Variants in MYO9B observed in about 807,000 individuals in gnomAD.
MYO9B encodes the protein unconventional myosin-IXb.
In MYO9B, 71 loss-of-function variants were observed where a neutral mutation model predicts 229.5. That is an observed-to-expected ratio of 0.31 (90% CI 0.26 to 0.38). The LOEUF (loss-of-function observed/expected upper bound fraction) is 0.38, where lower values mean the gene tolerates loss of function less well. MYO9B is among the 10% of genes least tolerant of loss of function. The probability of loss-of-function intolerance (pLI) is 1.00; values close to 1 mark genes in which losing one functional copy is unlikely to be tolerated. For missense variants in MYO9B, 2,255 were observed against 2,920.5 expected (o/e 0.77, Z 5.25); for synonymous variants, 1,185 against 1,235.8 (o/e 0.96, Z 0.86).
chr19:17,192,697 T>C (rs1165864053), intron 20 of MYO9B, 49 bp from the exon 21 acceptor site: 1 of 1,453,148 alleles, frequency 6.9e-7, no homozygotes, highest in East Asian at 2.5e-5. Flanking sequence ...GGCACAGAGA[T>C]GGTGTCAGGG....
At chr19:17,083,240 T>C (rs1049593853) in intron 1 of MYO9B, among the ~76,000 whole-genome samples, 2 of 152,000 alleles carry the variant, frequency 1.3e-5, no homozygotes, top group Admixed American at 6.6e-5. Context: ...TTCACCATGT[T>C]GCCTGGTCTT....
At chr19:17,103,951 G>A (rs2145041242) in intron 2 of MYO9B, among the ~76,000 whole-genome samples, 1 of 151,930 alleles carries the variant, frequency 6.6e-6, no homozygotes, top group East Asian at 1.9e-4. Flanking sequence ...AGCTACTCGG[G>A]AGGCTGAGGC....
chr19:17,112,779 C>T (rs2057860792), intron 2 of MYO9B, among the ~76,000 whole-genome samples: 1 of 152,218 alleles, frequency 6.6e-6, no homozygotes, highest in Non-Finnish European at 1.5e-5. Context: ...GTCGCATGAC[C>T]CAGTCAGAGA....
intron 1 of MYO9B, among the ~76,000 whole-genome samples, chr19:17,094,958 G>T (rs2057673821): frequency 6.6e-6 from 1 of 152,022 alleles, no homozygotes; most frequent in Non-Finnish European, 1.5e-5. Context: ...TAAAAATTTG[G>T]CCAGGCGCAG....
At chr19:17,167,863 G>A (rs1390669808) in intron 10 of MYO9B, 80 bp from the exon 11 acceptor site, 14 of 1,498,584 alleles carry the variant, frequency 9.3e-6, no homozygotes, top group South Asian at 3.7e-5. Flanking sequence ...AGGGATACTC[G>A]ACCTGTATGC....
chr19:17,136,799 T>G (rs1293445918), intron 2 of MYO9B, among the ~76,000 whole-genome samples: 1 of 151,990 alleles, frequency 6.6e-6, no homozygotes, highest in African/African-American at 2.4e-5. Context: ...GTTTCAAAGT[T>G]CAACAGGTCA....
At chr19:17,211,574 G>T in intron 38 of MYO9B, 73 bp from the exon 39 acceptor site, 1 of 1,376,500 alleles carries the variant, frequency 7.3e-7, no homozygotes, top group South Asian at 1.4e-5. Flanking sequence ...GAGCAGGACA[G>T]CCTGCTCTGT....
intron 2 of MYO9B, among the ~76,000 whole-genome samples, chr19:17,133,842 G>A (rs928360361): frequency 6.6e-6 from 1 of 151,912 alleles, no homozygotes; most frequent in Non-Finnish European, 1.5e-5. Context: ...CTCACTGCAA[G>A]CTCCGCCTCC....
Position 17,102,364 on chromosome 19 carries a change from T to A in MYO9B, c.647T>A (p.Phe216Tyr). ...CTGGGCAAGCTGGAGCCACACGTCT[T>A]CGCGCTGGCCGACGTGGCCTACTAC... ...QQLGKLEPHV[F>Y]ALADVAYYTM... Residue 216 changes from phenylalanine (F) to tyrosine (Y), a missense_variant, in exon 2 of 40, where the codon TTC becomes TAC. Transcript: ENST00000682292. 1 of 1,613,976 alleles carries A rather than the reference T, an allele frequency of 6.2e-7. No homozygotes were observed. The highest frequency in any genetic ancestry group is 8.5e-7 in the Non-Finnish European group (1 of 1,179,886).
intron 3 of MYO9B, among the ~76,000 whole-genome samples, chr19:17,147,672 ATTTTTTTTTTTTTTTT>A (rs1027030377): frequency 1.2e-5 from 1 of 81,206 alleles, no homozygotes; most frequent in Non-Finnish European, 2.2e-5. Context: ...ACTATGTTTA[ATTTTTTTTTTTTTTTT>A]TTTTTTTTTT....
intron 2 of MYO9B, among the ~76,000 whole-genome samples, chr19:17,132,627 C>T (rs1282140703): frequency 3.4e-5 from 5 of 146,084 alleles, no homozygotes; most frequent in African/African-American, 1.3e-4. Flanking sequence ...CTCCCAGGTT[C>T]GTGCCATTCT....
chr19:17,126,995 A>AT (rs1055471133), intron 2 of MYO9B, among the ~76,000 whole-genome samples: 5 of 108,446 alleles, frequency 4.6e-5, no homozygotes, highest in Admixed American at 3.5e-4. Flanking sequence ...ATCTTTTGAC[A>AT]TTTTTTCTCC....
At chr19:17,145,816 C>T (rs1490836505) in intron 3 of MYO9B, among the ~76,000 whole-genome samples, 1 of 152,030 alleles carries the variant, frequency 6.6e-6, no homozygotes, top group Non-Finnish European at 1.5e-5. Context: ...GGGATGCGGA[C>T]TCTGGCCTTT....
chr19:17,165,525 T>C (rs752287125), intron 10 of MYO9B, among the ~76,000 whole-genome samples: 2 of 151,744 alleles, frequency 1.3e-5, no homozygotes, highest in Admixed American at 6.6e-5. Context: ...CAGTGACCTA[T>C]GATCACAACA....
Position 17,168,082 on chromosome 19 carries a change from G to A in MYO9B, c.1793+18G>A, listed in dbSNP as rs373571709. On this transcript the variant is annotated intron_variant, in intron 11 of 39. Transcript: ENST00000682292. ...GAGAGCAAGTGAGTGTCCACACCCC[G>A]TCCATCCCGGCACATCTACGCATGG... 1.6e-5 allele frequency: 25 copies of A among 1,610,448 alleles called. No homozygotes were observed. Among genetic ancestry groups the A allele is most frequent in the African/African-American group, 1.5e-4 (11 of 74,794 alleles).
At chr19:17,188,067 C>T in intron 19 of MYO9B, 22 bp downstream of exon 19, 1 of 1,542,958 alleles carries the variant, frequency 6.5e-7, no homozygotes. Context: ...GCACATATAC[C>T]TGGACACACC....
chr19:17,181,051 C>G lies in MYO9B; in HGVS notation c.2333+11C>G, dbSNP rs759991723. On this transcript the variant is annotated intron_variant, in intron 15 of 39. Coordinates refer to ENST00000682292, the MANE Select transcript of MYO9B (RefSeq NM_004145.4). ...CCGCGCCTTCATCCTGTGAGTCCCC[C>G]ACCAAGGCCCTGCTTACAAGTGCGA... 2.9e-5 allele frequency: 46 copies of G among 1,578,500 alleles called. No individual in the cohort carries two copies. The highest frequency in any genetic ancestry group is 3.6e-5 in the Non-Finnish European group (42 of 1,153,886).
rs1453238086 is a variant in MYO9B at position 17,212,340 on chromosome 19, G to A, written c.*30G>A. On this transcript the variant is annotated 3_prime_UTR_variant, in exon 40 of 40. Coordinates refer to ENST00000682292, the MANE Select transcript of MYO9B (RefSeq NM_004145.4). This position sits in a 1 kb window ranked among gnomAD's most constrained non-coding sequence, Gnocchi z 5.4. Reference sequence around the variant, plus strand: ...CACAGCTGACAAAGTCTGCATGTCCGAGGACGGCCCCTGCACTGGAGCTGG... The same window carrying A: ...CACAGCTGACAAAGTCTGCATGTCCAAGGACGGCCCCTGCACTGGAGCTGG... The A allele has an allele frequency of 6.9e-6, 10 of 1,447,154 alleles. No homozygotes were observed. The highest frequency in any genetic ancestry group is 4.4e-5 in the South Asian group (3 of 68,772). The allele number at this position is 1,447,154 out of a possible 1,614,324, so 89.6% of individuals were successfully genotyped here. A position where few individuals can be genotyped will look rare whatever the true frequency, so the allele number is the denominator to read the frequency against.
intron 1 of MYO9B, among the ~76,000 whole-genome samples, chr19:17,098,335 G>A (rs113642564): frequency 0.049 from 7,503 of 152,272 alleles, 351 homozygotes; most frequent in Non-Finnish European, 0.063. Context: ...GATTACAAGC[G>A]TGAGCGACCG....
Sources: allele counts gnomAD v4.1 joint callset (sites outside exome capture counted in the v4.1 genomes callset), GRCh38; gene constraint gnomAD v4.1.1; non-coding constraint Gnocchi (gnomAD v3.1); transcripts MANE v1.5; gene names NCBI Gene and HGNC (gene_info 2026-07-23, HGNC 2026-07-21).